The following NSMCE2 variants were observed in gnomAD, a reference collection of about 807,000 sequenced individuals.
NSMCE2 encodes NSE2 SUMO ligase component of SMC5/6 complex.
A neutral mutation model predicts 23.8 loss-of-function variants in NSMCE2; 24 were observed. The ratio of observed to expected loss-of-function variants is 1.01; its 90% CI spans 0.73 to 1.42. The LOEUF (loss-of-function observed/expected upper bound fraction) is 1.42. NSMCE2 is among the 40% of genes most tolerant of loss of function. NSMCE2 has a pLI of 0.00. For synonymous variants in NSMCE2, 92 were observed against 94.1 expected (o/e 0.98, Z 0.13); for missense variants, 284 against 296.5 (o/e 0.96, Z 0.31).
chr8:125,303,801 A>G (rs974535547), intron 5 of NSMCE2, among the ~76,000 whole-genome samples: 6 of 152,222 alleles, frequency 3.9e-5, no homozygotes, highest in Non-Finnish European at 7.3e-5. Context: ...AGTTGCTCTC[A>G]GCTTCCCTAT....
At chr8:125,185,520 G>A (rs146966460) in intron 5 of NSMCE2, among the ~76,000 whole-genome samples, 4 of 152,154 alleles carry the variant, frequency 2.6e-5, no homozygotes, top group Non-Finnish European at 4.4e-5. Flanking sequence ...TGGCCAGGCC[G>A]GTCTTGAACT....
intron 5 of NSMCE2, among the ~76,000 whole-genome samples, chr8:125,307,758 T>C (rs567494097): frequency 9.2e-5 from 14 of 152,168 alleles, no homozygotes; most frequent in Non-Finnish European, 1.6e-4. Flanking sequence ...TGTCGTTTGC[T>C]CCCTGGAGGA....
chr8:125,297,570 G>A (rs952622870), intron 5 of NSMCE2, among the ~76,000 whole-genome samples: 1 of 151,750 alleles, frequency 6.6e-6, no homozygotes, highest in Non-Finnish European at 1.5e-5. Context: ...AAACACTTAG[G>A]CTGTAATCCC....
At chr8:125,238,458 G>C (rs1353277305) in intron 5 of NSMCE2, among the ~76,000 whole-genome samples, 2 of 152,142 alleles carry the variant, frequency 1.3e-5, no homozygotes, top group African/African-American at 4.8e-5. Context: ...AAGGATATCA[G>C]CACAGATAAC....
chr8:125,122,523 C>T (rs376938663), intron 3 of NSMCE2, among the ~76,000 whole-genome samples: 1 of 152,144 alleles, frequency 6.6e-6, no homozygotes, highest in East Asian at 1.9e-4. Flanking sequence ...GCTCTTTAAG[C>T]CTCTTTTCTC....
intron 5 of NSMCE2, among the ~76,000 whole-genome samples, chr8:125,341,295 T>C (rs988098541): frequency 3.3e-5 from 5 of 152,210 alleles, no homozygotes; most frequent in African/African-American, 9.6e-5. Context: ...ATCTTCATTA[T>C]GGGGTGAGGA....
intron 5 of NSMCE2, among the ~76,000 whole-genome samples, chr8:125,298,403 C>T (rs1487765479): frequency 6.6e-6 from 1 of 152,214 alleles, no homozygotes. Context: ...AACTGAGACA[C>T]AGTTAAGACA....
intron 1 of NSMCE2, among the ~76,000 whole-genome samples, chr8:125,100,795 A>T (rs1264741094): frequency 2.0e-5 from 3 of 152,164 alleles, no homozygotes; most frequent in Non-Finnish European, 4.4e-5. Context: ...TCCTGACCTC[A>T]GGTGACCCTC....
intron 5 of NSMCE2, among the ~76,000 whole-genome samples, chr8:125,199,267 A>G (rs1405989441): frequency 6.6e-6 from 1 of 152,002 alleles, no homozygotes; most frequent in Non-Finnish European, 1.5e-5. Flanking sequence ...TCTAATTGTG[A>G]TGTTAGGGTG....
intron 5 of NSMCE2, among the ~76,000 whole-genome samples, chr8:125,205,995 A>G (rs1265650071): frequency 1.3e-5 from 2 of 152,242 alleles, no homozygotes; most frequent in Non-Finnish European, 2.9e-5. Context: ...AGTGTTTTAT[A>G]TACAGAGATT....
chr8:125,310,068 G>A (rs1828920924), intron 5 of NSMCE2, among the ~76,000 whole-genome samples: 1 of 152,202 alleles, frequency 6.6e-6, no homozygotes, highest in Non-Finnish European at 1.5e-5. Context: ...AAAATTAGGT[G>A]TGATTAAACA....
intron 5 of NSMCE2, among the ~76,000 whole-genome samples, chr8:125,239,191 G>A (rs959156788): frequency 6.6e-6 from 1 of 152,180 alleles, no homozygotes; most frequent in African/African-American, 2.4e-5. Flanking sequence ...GGTAATGGAA[G>A]TTAGGTTAGG....
At chr8:125,253,205 G>A (rs1826266198) in intron 5 of NSMCE2, among the ~76,000 whole-genome samples, 1 of 152,118 alleles carries the variant, frequency 6.6e-6, no homozygotes, top group African/African-American at 2.4e-5. Context: ...TACACTTAAG[G>A]GAGCTACCTG....
At chr8:125,353,934 TTTG>T (rs1813146789) in intron 5 of NSMCE2, among the ~76,000 whole-genome samples, 1 of 149,990 alleles carries the variant, frequency 6.7e-6, no homozygotes, top group African/African-American at 2.4e-5. Flanking sequence ...TTGCTGTCAA[TTTG>T]TTGTTTTTTT....
chr8:125,354,282 G>C (rs576984516), intron 5 of NSMCE2, among the ~76,000 whole-genome samples: 2 of 152,284 alleles, frequency 1.3e-5, no homozygotes, highest in South Asian at 4.1e-4. Flanking sequence ...TTTGGAAATA[G>C]GTTGGCTACC....
chr8:125,339,725 A>G (rs959448766), intron 5 of NSMCE2, among the ~76,000 whole-genome samples: 8 of 151,776 alleles, frequency 5.3e-5, no homozygotes, highest in African/African-American at 1.7e-4. Flanking sequence ...TCCCACTGTC[A>G]CTGTGCCTCC....
At chr8:125,345,141 G>A (rs1463378865) in intron 5 of NSMCE2, among the ~76,000 whole-genome samples, 1 of 152,122 alleles carries the variant, frequency 6.6e-6, no homozygotes, top group Non-Finnish European at 1.5e-5. Flanking sequence ...AGGTGATCGG[G>A]GGCGTAGATG....
In NSMCE2 at chr8:125,108,099, G is replaced by A. The variant is rs375267630; in HGVS notation, c.157+5612G>A. On this transcript the variant is annotated intron_variant, in intron 3 of 7. Coordinates refer to ENST00000287437, the MANE Select transcript of NSMCE2 (RefSeq NM_173685.4). ...CCCATGGATCCCCTGAAAGGGCCCA[G>A]AAGAAATTACGATGAAAATAGTTTT... Among the ~76,000 whole-genome samples, 3 of 152,156 alleles carry A rather than the reference G, an allele frequency of 2.0e-5. No homozygotes were observed. The East Asian group carries it at 5.8e-4, about 29-fold the overall frequency.
intron 3 of NSMCE2, among the ~76,000 whole-genome samples, chr8:125,104,939 C>G (rs543604791): frequency 1.3e-5 from 2 of 152,254 alleles, no homozygotes; most frequent in Non-Finnish European, 2.9e-5. Flanking sequence ...AGGAGAATTG[C>G]CTGAACATGG....
Sources: allele counts gnomAD v4.1 joint callset (sites outside exome capture counted in the v4.1 genomes callset), GRCh38; gene constraint gnomAD v4.1.1; transcripts MANE v1.5; gene names NCBI Gene and HGNC (gene_info 2026-07-23, HGNC 2026-07-21).